Variants in NF1 observed in about 807,000 individuals in gnomAD.
The protein encoded by NF1 is neurofibromin 1.
Under a neutral mutation model 325.7 loss-of-function variants are expected in NF1, and 122 were observed. That is an observed-to-expected ratio of 0.37 (90% confidence interval 0.32 to 0.44). The LOEUF is 0.44. Ranked by LOEUF, NF1 falls within the 20% of genes least tolerant of loss-of-function variation. The probability of loss-of-function intolerance (pLI) is 1.00; values close to 1 mark genes in which losing one functional copy is unlikely to be tolerated. For missense variants in NF1, 2,140 were observed against 3,415.4 expected (o/e 0.63, Z 9.31); for synonymous variants, 1,091 against 1,186.0 (o/e 0.92, Z 1.65).
At position 31,336,612 on chromosome 17, in the gene NF1, A is replaced by AAG; in HGVS notation, c.6148-22_6148-21insGA. On this transcript the variant is annotated intron_variant, in intron 41 of 57. Coordinates refer to ENST00000358273, the MANE Select transcript of NF1 (RefSeq NM_001042492.3). This position sits in a 1 kb window ranked among gnomAD's most constrained non-coding sequence, Gnocchi z 5.5. ...GAGTCCCATGTTTTTTTTTTTAAAA[A>AAG]AAAAAATCCTGCTTCTTTACAGGTT... The AAG allele has an allele frequency of 6.4e-7, 1 of 1,571,568 alleles. No individual in the cohort carries two copies. The highest frequency in any genetic ancestry group is 8.6e-7 in the Non-Finnish European group (1 of 1,161,582).
At chr17:31,244,246 C>T (rs1261189087) in intron 29 of NF1, among the ~76,000 whole-genome samples, 2 of 152,138 alleles carry the variant, frequency 1.3e-5, no homozygotes, top group Non-Finnish European at 2.9e-5. Flanking sequence ...GAAGGCATCT[C>T]TGTTGGAGCT....
chr17:31,222,011 T>G, intron 15 of NF1, 82 bp downstream of exon 15: 2 of 1,375,252 alleles, frequency 1.5e-6, no homozygotes, highest in Non-Finnish European at 1.9e-6. Context: ...CTGTAGTACT[T>G]AGTACATTGT....
intron 38 of NF1, among the ~76,000 whole-genome samples, chr17:31,328,713 A>G (rs1024279973): frequency 2.0e-5 from 3 of 152,148 alleles, no homozygotes; most frequent in African/African-American, 7.2e-5. Flanking sequence ...TTTCAGATGT[A>G]AATTCTTAAC....
chr17:31,096,444 A>G (rs960666822), intron 1 of NF1, among the ~76,000 whole-genome samples: 1 of 152,230 alleles, frequency 6.6e-6, no homozygotes, highest in Non-Finnish European at 1.5e-5. Context: ...GGGGCTGATT[A>G]GAATAAATGC....
rs771342163 is a variant in NF1, at chr17:31,226,720, C to T, written c.2251+36C>T. 2.5e-6 allele frequency: 4 copies of T among 1,611,728 alleles called. No individual in the cohort carries two copies. The East Asian group carries it at 6.7e-5, about 27-fold the overall frequency. Reference sequence around the variant, plus strand: ...ATAGTGGTTTTTTTTACTCAGTCTGCCTCAAAGCACATGGCATCTGATTTT... The same window carrying T: ...ATAGTGGTTTTTTTTACTCAGTCTGTCTCAAAGCACATGGCATCTGATTTT... On this transcript the variant is annotated intron_variant, in intron 18 of 57. Transcript: ENST00000358273.
chr17:31,130,455 G>A (rs1396545026), intron 1 of NF1, among the ~76,000 whole-genome samples: 1 of 152,186 alleles, frequency 6.6e-6, no homozygotes, highest in African/African-American at 2.4e-5. Context: ...TGGCAGTAAG[G>A]CCAGGGCGGG....
intron 29 of NF1, among the ~76,000 whole-genome samples, chr17:31,247,853 A>C (rs2067423747): frequency 1.3e-5 from 2 of 152,228 alleles, no homozygotes; most frequent in South Asian, 4.1e-4. Context: ...CAGAAACATA[A>C]TGTAGAGTGA....
intron 1 of NF1, among the ~76,000 whole-genome samples, chr17:31,145,876 G>A (rs1916552619): frequency 6.6e-6 from 1 of 152,196 alleles, no homozygotes; most frequent in Non-Finnish European, 1.5e-5. Context: ...ATGGTAGGAA[G>A]ATTATGAATT....
Position 31,343,142 on chromosome 17 carries a change from A to G in NF1, c.7189+7A>G, listed in dbSNP as rs767151173. The stretch of plus-strand genomic sequence containing the variant: ...GTTGGACACCTTTTAAAAGGTAAAA[A>G]AGCCTTATTTAGAATATTTTTATGA... On this transcript the variant is annotated splice_region_variant and intron_variant, in intron 48 of 57. Coordinates refer to ENST00000358273, the MANE Select transcript of NF1 (RefSeq NM_001042492.3). 3.7e-6 allele frequency: 6 copies of G among 1,609,232 alleles called. No individual in the cohort carries two copies. The African/African-American group carries it at 8.0e-5, about 21-fold the overall frequency.
At chr17:31,134,465 A>G (rs1299896694) in intron 1 of NF1, among the ~76,000 whole-genome samples, 2 of 152,164 alleles carry the variant, frequency 1.3e-5, no homozygotes, top group East Asian at 3.8e-4. Flanking sequence ...CATATTTATT[A>G]GTTATTTATT....
intron 35 of NF1, among the ~76,000 whole-genome samples, chr17:31,263,695 A>G (rs2067734311): frequency 6.6e-6 from 1 of 151,668 alleles, no homozygotes; most frequent in Non-Finnish European, 1.5e-5. Context: ...TGGTACTTGT[A>G]AAGTAATTAA....
At chr17:31,251,159 T>C (rs2067487110) in intron 30 of NF1, 1 of 199,332 alleles carries the variant, frequency 5.0e-6, no homozygotes, top group African/African-American at 2.3e-5. Context: ...GGTTTGCTCT[T>C]TTGTTTTTAT....
chr17:31,205,833 A>G (rs1273064411), intron 11 of NF1, among the ~76,000 whole-genome samples: 4 of 152,092 alleles, frequency 2.6e-5, no homozygotes, highest in African/African-American at 9.7e-5. Flanking sequence ...AGCTTTGATA[A>G]TAGCATTCTT....
rs11867789 is a variant in NF1 at position 31,209,305 on chromosome 17, A to T, written c.1392+2934A>T. 7.9e-5 allele frequency among the ~76,000 whole-genome samples: 12 copies of T among 152,364 alleles called. No individual in the cohort carries two copies. The East Asian group carries it at 2.3e-3, about 29-fold the overall frequency. On this transcript the variant is annotated intron_variant, in intron 12 of 57. Coordinates refer to ENST00000358273, the MANE Select transcript of NF1 (RefSeq NM_001042492.3). The stretch of plus-strand genomic sequence containing the variant: ...TAAACCTGAGCCATTAGCTTGCTTC[A>T]GAAGTAGCAATCTAGGAGTTCTGTT...
chr17:31,170,721 A>T (rs1342427346), intron 5 of NF1, among the ~76,000 whole-genome samples: 2 of 152,254 alleles, frequency 1.3e-5, no homozygotes, highest in African/African-American at 2.4e-5. Context: ...AGTATTCATA[A>T]ACTGAGTATG....
At chr17:31,115,181 T>C (rs1313966922) in intron 1 of NF1, among the ~76,000 whole-genome samples, 1 of 152,106 alleles carries the variant, frequency 6.6e-6, no homozygotes, top group East Asian at 1.9e-4. Context: ...GTTATGACTT[T>C]CGTGGGGGTG....
At chr17:31,278,913 C>T (rs1030860433) in intron 36 of NF1, among the ~76,000 whole-genome samples, 1 of 152,224 alleles carries the variant, frequency 6.6e-6, no homozygotes, top group Middle Eastern at 3.4e-3. Flanking sequence ...CCGCGCCTGG[C>T]CTTCATGTCT....
chr17:31,212,211 C>T (rs1316225731), intron 12 of NF1, among the ~76,000 whole-genome samples: 2 of 152,110 alleles, frequency 1.3e-5, no homozygotes, highest in South Asian at 2.1e-4. Flanking sequence ...CCTAGGCCTA[C>T]ATGGGGTCAA....
chr17:31,376,341 AT>A lies in NF1; in HGVS notation c.*2187del. The A allele has an allele frequency of 4.3e-6, 1 of 233,032 alleles. No individual in the cohort carries two copies. Among genetic ancestry groups the A allele is most frequent in the Non-Finnish European group, 8.5e-6 (1 of 117,888 alleles). 14.4% of individuals were successfully genotyped at this position (233,032 alleles called of 1,614,324 possible). On this transcript the variant is annotated 3_prime_UTR_variant, in exon 58 of 58. Coordinates refer to ENST00000358273, the MANE Select transcript of NF1 (RefSeq NM_001042492.3). ...CAGAGGTTTACTGTTAAAAATACTGATATTTCCATAAACGGGTTTACCAAGG... is the reference window on the plus strand; with the variant it reads ...CAGAGGTTTACTGTTAAAAATACTGAATTTCCATAAACGGGTTTACCAAGG...
Sources: gnomAD v4.1 joint callset for allele counts (sites outside exome capture counted in the v4.1 genomes callset) on GRCh38, gnomAD v4.1.1 for gene constraint, Gnocchi (gnomAD v3.1) non-coding constraint, MANE v1.5 for transcripts, NCBI Gene and HGNC (gene_info 2026-07-23, HGNC 2026-07-21) for gene names.